Variants in VPS13A observed in about 807,000 individuals in gnomAD.
VPS13A encodes the protein intermembrane lipid transfer protein VPS13A.
Under a neutral mutation model 390.9 loss-of-function variants are expected in VPS13A, and 264 were observed. The ratio of observed to expected loss-of-function variants is 0.68; its 90% CI spans 0.61 to 0.75. VPS13A has a LOEUF of 0.75. Ranked by LOEUF, VPS13A falls within the 30% of genes least tolerant of loss-of-function variation. The pLI, the probability that VPS13A is intolerant of heterozygous loss-of-function variation, is 0.00. For synonymous variants in VPS13A, 1,231 were observed against 1,227.1 expected (o/e 1.00, Z -0.07); for missense variants, 3,409 against 3,733.9 (o/e 0.91, Z 2.27).
chr9:77,195,279 A>G (rs1016218041), intron 1 of VPS13A, among the ~76,000 whole-genome samples: 4 of 152,092 alleles, frequency 2.6e-5, no homozygotes, highest in Admixed American at 6.5e-5. Context: ...GCCCGCCACA[A>G]CACCTGGCTA....
intron 23 of VPS13A, among the ~76,000 whole-genome samples, chr9:77,261,242 C>T (rs191755193): frequency 2.6e-5 from 4 of 152,214 alleles, no homozygotes; most frequent in Admixed American, 2.6e-4. Flanking sequence ...ATTATACACA[C>T]TATTCTGAAT....
At chr9:77,345,282 T>G in intron 52 of VPS13A, 140 bp downstream of exon 52, 1 of 967,344 alleles carries the variant, frequency 1.0e-6, no homozygotes, top group African/African-American at 1.6e-5. Context: ...TTAAAAAATG[T>G]ACTTGAAGCA....
At chr9:77,306,401 A>AGAGAGAGAGTGTGT (rs550279922) in intron 34 of VPS13A, among the ~76,000 whole-genome samples, 12 of 107,694 alleles carry the variant, frequency 1.1e-4, no homozygotes, top group African/African-American at 3.9e-4. Context: ...AGAGAGAGAG[A>AGAGAGAGAGTGTGT]GTGTGTGTGT....
intron 67 of VPS13A, among the ~76,000 whole-genome samples, 198 bp from the exon 68 acceptor site, chr9:77,381,778 C>G (rs886245148): frequency 3.3e-5 from 5 of 152,062 alleles, no homozygotes; most frequent in African/African-American, 1.2e-4. Flanking sequence ...AAAGAAAGTT[C>G]TAGAGACTTA....
rs564523311 is a variant in VPS13A, at chr9:77,239,109, A to G, written c.1900+723A>G. On this transcript the variant is annotated intron_variant, in intron 19 of 71. Coordinates refer to ENST00000360280, the MANE Select transcript of VPS13A (RefSeq NM_033305.3). Reference sequence around the variant, plus strand: ...TTGTCACCTTGTTCTAACAGTTATTAAGAGAAATACATGAAAAATGCCTCA... The same window carrying G: ...TTGTCACCTTGTTCTAACAGTTATTGAGAGAAATACATGAAAAATGCCTCA... Among the ~76,000 whole-genome samples, 5 of 152,126 alleles carry G rather than the reference A, an allele frequency of 3.3e-5. No homozygotes were observed. The East Asian group carries it at 9.7e-4, about 29-fold the overall frequency.
chr9:77,211,787 G>C (rs1313667607), intron 7 of VPS13A, among the ~76,000 whole-genome samples: 1 of 152,164 alleles, frequency 6.6e-6, no homozygotes, highest in East Asian at 1.9e-4. Flanking sequence ...GACCTGTTCA[G>C]TTAGAAACTC....
chr9:77,254,651 T>C (rs923408453), intron 22 of VPS13A, among the ~76,000 whole-genome samples: 3 of 152,232 alleles, frequency 2.0e-5, no homozygotes, highest in South Asian at 2.1e-4. Context: ...TTGACTGTTA[T>C]AGTCCATGAA....
intron 19 of VPS13A, among the ~76,000 whole-genome samples, chr9:77,240,678 A>G (rs540486356): frequency 2.7e-5 from 4 of 147,054 alleles, no homozygotes; most frequent in East Asian, 2.1e-4. Flanking sequence ...GGGTTTCACC[A>G]TGTTGGCCAG....
Position 77,370,338 on chromosome 9 carries a change from A to G in VPS13A, c.8743+6A>G. Reference sequence around the variant, plus strand: ...ACTAGTTGGTGGAGCTGTTGGTAAGAAACAGAATATCTACCAAGTATTTTT... The same window carrying G: ...ACTAGTTGGTGGAGCTGTTGGTAAGGAACAGAATATCTACCAAGTATTTTT... On this transcript the variant is annotated splice_donor_region_variant and intron_variant, in intron 64 of 71. Transcript: ENST00000360280. 1 of 1,614,178 alleles carries G rather than the reference A, an allele frequency of 6.2e-7. No individual in the cohort carries two copies. The highest frequency in any genetic ancestry group is 8.5e-7 in the Non-Finnish European group (1 of 1,180,018).
chr9:77,256,861 T>C (rs1052622383), intron 22 of VPS13A, among the ~76,000 whole-genome samples: 1 of 152,304 alleles, frequency 6.6e-6, no homozygotes, highest in East Asian at 1.9e-4. Flanking sequence ...TTCATTTTTT[T>C]TTTCACTTTT....
chr9:77,259,727 A>G (rs1399897077), intron 22 of VPS13A, among the ~76,000 whole-genome samples: 1 of 152,192 alleles, frequency 6.6e-6, no homozygotes, highest in African/African-American at 2.4e-5. Flanking sequence ...AGGAACTTAA[A>G]TAGAGAGCAA....
In VPS13A at chr9:77,214,302, A is replaced by G. The variant is rs372003481; in HGVS notation, c.697-27A>G. Reference sequence around the variant, plus strand: ...AAAAAAGACATATTGGCATGAATATAAATAAAAGCAATTTGTCTTTTAATA... The same window carrying G: ...AAAAAAGACATATTGGCATGAATATGAATAAAAGCAATTTGTCTTTTAATA... On this transcript the variant is annotated intron_variant, in intron 9 of 71. Coordinates refer to ENST00000360280, the MANE Select transcript of VPS13A (RefSeq NM_033305.3). 59 of 1,599,446 alleles carry G rather than the reference A, an allele frequency of 3.7e-5. No individual in the cohort carries two copies. The African/African-American group carries it at 6.4e-4, about 17-fold the overall frequency.
chr9:77,312,236 A>T (rs982947659), intron 35 of VPS13A, among the ~76,000 whole-genome samples: 1 of 152,156 alleles, frequency 6.6e-6, no homozygotes, highest in African/African-American at 2.4e-5. Flanking sequence ...TTCATTAAAG[A>T]TACAGTAACA....
At position 77,295,675 on chromosome 9, in the gene VPS13A, A is replaced by G. The variant is rs1397170002; in HGVS notation, c.3641A>G (p.Lys1214Arg). 1.2e-6 allele frequency: 2 copies of G among 1,613,964 alleles called. No individual in the cohort carries two copies. Among genetic ancestry groups the G allele is most frequent in the Admixed American group, 1.7e-5 (1 of 59,982 alleles). ...SSRMALDINI[K>R]APVVVIPQSP... is the part of the protein sequence containing the mutation. Reference sequence around the variant, plus strand: ...AGAATGGCACTGGATATTAACATCAAAGCCCCAGTTGTGGTCATCCCGCAG... The same window carrying G: ...AGAATGGCACTGGATATTAACATCAGAGCCCCAGTTGTGGTCATCCCGCAG... Residue 1214 changes from lysine (K) to arginine (R), a missense_variant, in exon 33 of 72, where the codon AAA becomes AGA. Transcript: ENST00000360280.
intron 23 of VPS13A, among the ~76,000 whole-genome samples, chr9:77,267,686 T>C (rs1392097605): frequency 1.3e-5 from 2 of 152,148 alleles, no homozygotes; most frequent in East Asian, 1.9e-4. Flanking sequence ...TTAGCAGAGT[T>C]TGAGTGCTTT....
intron 35 of VPS13A, among the ~76,000 whole-genome samples, chr9:77,312,156 A>T (rs975542867): frequency 8.5e-5 from 13 of 152,304 alleles, no homozygotes; most frequent in Admixed American, 2.6e-4. Flanking sequence ...TAATAAAAAT[A>T]ATAGAATCCA....
chr9:77,335,570 G>A lies in VPS13A; in HGVS notation c.6096-1685G>A, dbSNP rs180673233. 2.3e-3 allele frequency among the ~76,000 whole-genome samples: 349 copies of A among 152,276 alleles called. 1 individual carries two copies. The highest frequency in any genetic ancestry group is 8.0e-3 in the African/African-American group (331 of 41,562). Reference sequence around the variant, plus strand: ...TATGAATAGACACTTCTCAAAAGAAGACATTTATGTGGCCAACAAATGTAT... The same window carrying A: ...TATGAATAGACACTTCTCAAAAGAAAACATTTATGTGGCCAACAAATGTAT... On this transcript the variant is annotated intron_variant, in intron 46 of 71. Transcript: ENST00000360280.
At position 77,284,804 on chromosome 9, in the gene VPS13A, A is replaced by G. The variant is rs962100465; in HGVS notation, c.3339+1154A>G. Among the ~76,000 whole-genome samples, 13 of 151,914 alleles carry G rather than the reference A, an allele frequency of 8.6e-5. No individual in the cohort carries two copies. In the East Asian group the frequency reaches 2.5e-3, roughly 30 times the overall value. On this transcript the variant is annotated intron_variant, in intron 31 of 71. Transcript: ENST00000360280. ...CTGAAACCTCCACCTCCTGGGTTTCAGTGATTCTCGTGCCTCAGCCTCGTG... is the reference window on the plus strand; with the variant it reads ...CTGAAACCTCCACCTCCTGGGTTTCGGTGATTCTCGTGCCTCAGCCTCGTG...
At chr9:77,264,831 A>G (rs772491449) in intron 23 of VPS13A, among the ~76,000 whole-genome samples, 3 of 152,096 alleles carry the variant, frequency 2.0e-5, no homozygotes, top group African/African-American at 7.2e-5. Context: ...TTCCAATACT[A>G]TGTTGAATAG....
Sources: allele counts gnomAD v4.1 joint callset (sites outside exome capture counted in the v4.1 genomes callset), GRCh38; gene constraint gnomAD v4.1.1; transcripts MANE v1.5; gene names NCBI Gene and HGNC (gene_info 2026-07-23, HGNC 2026-07-21).